Variants in MGAT4C observed in about 807,000 individuals in gnomAD.
MGAT4C encodes the protein alpha-1,3-mannosyl-glycoprotein 4-beta-N-acetylglucosaminyltransferase C.
Under a neutral mutation model 40.1 loss-of-function variants are expected in MGAT4C, and 19 were observed. The ratio of observed to expected loss-of-function variants is 0.47; its 90% confidence interval spans 0.33 to 0.70. MGAT4C has a LOEUF of 0.70. MGAT4C is among the 30% of genes least tolerant of loss of function. The pLI, the probability that MGAT4C is intolerant of heterozygous loss-of-function variation, is 0.02. For synonymous variants in MGAT4C, 181 were observed against 187.1 expected (o/e 0.97, Z 0.27); for missense variants, 491 against 563.2 (o/e 0.87, Z 1.30).
At chr12:86,664,233 T>C (rs1964047064) in intron 2 of MGAT4C, among the ~76,000 whole-genome samples, 1 of 151,998 alleles carries the variant, frequency 6.6e-6, no homozygotes, top group Admixed American at 6.6e-5. Flanking sequence ...TTTTTCTTTC[T>C]CTTTTATACT....
At chr12:86,768,470 C>A (rs1463386181) in intron 1 of MGAT4C, among the ~76,000 whole-genome samples, 1 of 151,940 alleles carries the variant, frequency 6.6e-6, no homozygotes, top group African/African-American at 2.4e-5. Context: ...TCAATGCCAT[C>A]CCCATCAAGC....
intron 2 of MGAT4C, among the ~76,000 whole-genome samples, chr12:86,011,611 A>C (rs1477549000): frequency 6.6e-6 from 1 of 152,228 alleles, no homozygotes; most frequent in East Asian, 1.9e-4. Context: ...GAATTGAAGC[A>C]AGTTAATTCC....
chr12:86,323,963 T>C (rs975983437), intron 4 of MGAT4C, among the ~76,000 whole-genome samples: 2 of 152,010 alleles, frequency 1.3e-5, no homozygotes, highest in Admixed American at 6.5e-5. Flanking sequence ...ATATGGACTA[T>C]GTATTCTTAT....
At chr12:86,803,288 G>A (rs908945025) in intron 1 of MGAT4C, among the ~76,000 whole-genome samples, 3 of 151,034 alleles carry the variant, frequency 2.0e-5, no homozygotes, top group East Asian at 3.9e-4. Context: ...AGATTTAAAC[G>A]TTAGACCTAA....
At chr12:86,779,785 C>G (rs1005688415) in intron 1 of MGAT4C, among the ~76,000 whole-genome samples, 5 of 151,830 alleles carry the variant, frequency 3.3e-5, no homozygotes, top group African/African-American at 1.2e-4. Flanking sequence ...TGGTGGCGGG[C>G]GCCTGTAGTC....
chr12:86,226,335 G>GA (rs1332786467), intron 1 of MGAT4C, among the ~76,000 whole-genome samples: 1 of 151,850 alleles, frequency 6.6e-6, no homozygotes, highest in African/African-American at 2.4e-5. Flanking sequence ...TAAAAAGTAT[G>GA]AAAAAATCAA....
intron 1 of MGAT4C, among the ~76,000 whole-genome samples, chr12:86,078,970 C>T: frequency 6.6e-6 from 1 of 152,130 alleles, no homozygotes; most frequent in East Asian, 1.9e-4. Context: ...AACAGTTAAA[C>T]TCATTGTATT....
chr12:86,528,989 A>G (rs905339812), intron 2 of MGAT4C, among the ~76,000 whole-genome samples: 2 of 152,072 alleles, frequency 1.3e-5, no homozygotes, highest in African/African-American at 2.4e-5. Flanking sequence ...AAAAACCACT[A>G]AAAGAATATT....
Position 86,577,187 on chromosome 12 carries a change from C to A in MGAT4C, c.-228-141922G>T, listed in dbSNP as rs150793172. 5.9e-5 allele frequency among the ~76,000 whole-genome samples: 9 copies of A among 151,606 alleles called. No individual in the cohort carries two copies. In the East Asian group the frequency reaches 1.7e-3, roughly 29 times the overall value. ...ATCCTGCAACTTTACTGAATTTATC[C>A]GTTCTAATAGTTTTCTTGTGTAGTC... On this transcript the variant is annotated intron_variant, in intron 2 of 7. Transcript: ENST00000548651.
chr12:86,694,292 T>A (rs935188651), intron 2 of MGAT4C, among the ~76,000 whole-genome samples: 1 of 152,176 alleles, frequency 6.6e-6, no homozygotes, highest in African/African-American at 2.4e-5. Flanking sequence ...GGCTTTTTTA[T>A]ATGTCCAAAA....
At chr12:86,132,609 C>T (rs1881358066) in intron 1 of MGAT4C, among the ~76,000 whole-genome samples, 2 of 151,768 alleles carry the variant, frequency 1.3e-5, no homozygotes, top group South Asian at 4.2e-4. Flanking sequence ...CTGGCTAACA[C>T]GATGAAACCC....
At chr12:86,213,477 C>A (rs1950561113) in intron 1 of MGAT4C, among the ~76,000 whole-genome samples, 1 of 151,988 alleles carries the variant, frequency 6.6e-6, no homozygotes, top group Admixed American at 6.6e-5. Flanking sequence ...TAGTTTTAAA[C>A]CTCATGGTGA....
chr12:86,723,780 G>C (rs1210267879), intron 2 of MGAT4C, among the ~76,000 whole-genome samples: 1 of 152,102 alleles, frequency 6.6e-6, no homozygotes, highest in Non-Finnish European at 1.5e-5. Context: ...AATTTTTAAA[G>C]TATTTCAATT....
chr12:86,125,742 T>G (rs560485002), intron 1 of MGAT4C, among the ~76,000 whole-genome samples: 2 of 152,048 alleles, frequency 1.3e-5, no homozygotes, highest in African/African-American at 4.8e-5. Context: ...GCAAGTTGTA[T>G]GTGATAAACT....
chr12:86,833,607 G>A (rs1952974119), intron 1 of MGAT4C, among the ~76,000 whole-genome samples: 1 of 151,538 alleles, frequency 6.6e-6, no homozygotes, highest in African/African-American at 2.4e-5. Flanking sequence ...ATTGGATGAG[G>A]GCCTACTCTA....
At chr12:86,236,594 G>T (rs1414045996) in intron 1 of MGAT4C, among the ~76,000 whole-genome samples, 2 of 151,868 alleles carry the variant, frequency 1.3e-5, no homozygotes, top group African/African-American at 2.4e-5. Flanking sequence ...CACTATTTAG[G>T]GTCTGAATCC....
chr12:86,275,936 T>C (rs1340146687), intron 4 of MGAT4C, among the ~76,000 whole-genome samples: 1 of 13,296 alleles, frequency 7.5e-5, no homozygotes, highest in Non-Finnish European at 1.8e-4. Flanking sequence ...CCGTCTCTAC[T>C]AAAAATCCAA....
chr12:86,072,887 C>T (rs1868846946), intron 1 of MGAT4C, among the ~76,000 whole-genome samples: 1 of 152,028 alleles, frequency 6.6e-6, no homozygotes, highest in African/African-American at 2.4e-5. Flanking sequence ...TTTTGAGATT[C>T]ATTAATCTTT....
chr12:86,533,055 T>C (rs1183053835), intron 2 of MGAT4C, among the ~76,000 whole-genome samples: 1 of 152,072 alleles, frequency 6.6e-6, no homozygotes, highest in African/African-American at 2.4e-5. Flanking sequence ...TCAGATAGGT[T>C]ATATAATTTC....
Sources: allele counts gnomAD v4.1 joint callset (sites outside exome capture counted in the v4.1 genomes callset), GRCh38; gene constraint gnomAD v4.1.1; transcripts MANE v1.5; gene names NCBI Gene and HGNC (gene_info 2026-07-23, HGNC 2026-07-21).